ZNF407: variants seen among roughly 807,000 people sequenced by gnomAD.
The protein encoded by ZNF407 is zinc finger protein 407.
A neutral mutation model predicts 131.2 loss-of-function variants in ZNF407; 17 were observed. The observed-to-expected ratio is 0.13, with a 90% confidence interval of 0.09 to 0.19. The LOEUF is 0.19. Ranked by LOEUF, ZNF407 falls within the 10% of genes least tolerant of loss-of-function variation. The pLI, the probability that ZNF407 is intolerant of heterozygous loss-of-function variation, is 1.00. For synonymous variants in ZNF407, 1,156 were observed against 1,062.0 expected, an observed-to-expected ratio of 1.09 and a Z score of -1.72; for missense variants, 2,681 against 2,830.6, an observed-to-expected ratio of 0.95 and a Z score of 1.20.
At chr18:75,058,509 CTGTT>C (rs905706070) in intron 8 of ZNF407, among the ~76,000 whole-genome samples, 3 of 152,350 alleles carry the variant, frequency 2.0e-5, no homozygotes, top group African/African-American at 2.4e-5. Context: ...TTTAGGCACA[CTGTT>C]TGGTTAACTA....
chr18:74,941,925 C>T (rs1347945509), intron 8 of ZNF407, among the ~76,000 whole-genome samples: 1 of 152,190 alleles, frequency 6.6e-6, no homozygotes. Flanking sequence ...TTCTCAGAGA[C>T]TTCTGCAGGA....
At chr18:74,781,585 T>C (rs1212295271) in intron 4 of ZNF407, 83 bp downstream of exon 4, 1 of 1,003,924 alleles carries the variant, frequency 1.0e-6, no homozygotes, top group South Asian at 1.9e-5. Context: ...ACTTCTAGAC[T>C]TTTTTTTCAC....
At chr18:74,984,989 G>A (rs1284801763) in intron 8 of ZNF407, among the ~76,000 whole-genome samples, 2 of 152,198 alleles carry the variant, frequency 1.3e-5, no homozygotes. Flanking sequence ...TTAGAATTTT[G>A]TAGTGTGCTA....
At position 75,048,911 on chromosome 18, in the gene ZNF407, G is replaced by A. The variant is rs549769980; in HGVS notation, c.5429-14239G>A. 5.9e-5 allele frequency among the ~76,000 whole-genome samples: 9 copies of A among 152,294 alleles called. No individual in the cohort carries two copies. The highest frequency in any genetic ancestry group is 1.9e-4 in the East Asian group (1 of 5,164). On this transcript the variant is annotated intron_variant, in intron 8 of 8. Coordinates refer to ENST00000299687, the MANE Select transcript of ZNF407 (RefSeq NM_017757.3). This position sits in a 1 kb window ranked among gnomAD's most constrained non-coding sequence, Gnocchi z 4.1. ...GGCCACCAAGCCAGAGTCAGCCAGC[G>A]AGAGGCTCCCTGGCTGGCAGGAATG... is the stretch of plus-strand genomic sequence containing the variant.
chr18:74,861,706 ATGT>A (rs2145160213), intron 4 of ZNF407, among the ~76,000 whole-genome samples: 1 of 152,158 alleles, frequency 6.6e-6, no homozygotes, highest in South Asian at 2.1e-4. Context: ...AATTCTTAGG[ATGT>A]TTGTACTGCT....
In ZNF407 at chr18:74,975,094, T is replaced by C. The variant is rs917596880; in HGVS notation, c.5428+54402T>C. ...TATGTAAAGCGTAATTCTGAACTCA[T>C]TTGAGTAATGTACATTTAGCATAAG... is the stretch of plus-strand genomic sequence containing the variant. On this transcript the variant is annotated intron_variant, in intron 8 of 8. Coordinates refer to ENST00000299687, the MANE Select transcript of ZNF407 (RefSeq NM_017757.3). Among the ~76,000 whole-genome samples the C allele has an allele frequency of 2.0e-5, 3 of 152,208 alleles. No individual in the cohort carries two copies. The East Asian group carries it at 5.8e-4, about 29-fold the overall frequency.
At chr18:74,800,430 T>C (rs1234185263) in intron 4 of ZNF407, among the ~76,000 whole-genome samples, 1 of 152,110 alleles carries the variant, frequency 6.6e-6, no homozygotes, top group East Asian at 1.9e-4. Flanking sequence ...TTAGTCACAT[T>C]GTTCCCTCTT....
chr18:75,012,179 G>A (rs1248816389), intron 8 of ZNF407, among the ~76,000 whole-genome samples: 1 of 152,030 alleles, frequency 6.6e-6, no homozygotes, highest in East Asian at 1.9e-4. Context: ...GTGTCCTTGG[G>A]CACCTGTGCT....
At chr18:74,823,349 T>A (rs1384599117) in intron 4 of ZNF407, among the ~76,000 whole-genome samples, 1 of 152,140 alleles carries the variant, frequency 6.6e-6, no homozygotes, top group Non-Finnish European at 1.5e-5. Context: ...AGGATCAAAT[T>A]CACACATAAC....
intron 4 of ZNF407, among the ~76,000 whole-genome samples, chr18:74,832,840 A>G (rs896984834): frequency 6.6e-6 from 1 of 152,202 alleles, no homozygotes; most frequent in Non-Finnish European, 1.5e-5. Flanking sequence ...GCTATCATGT[A>G]TTTCTAAAGT....
chr18:75,038,659 G>T (rs966782307), intron 8 of ZNF407, among the ~76,000 whole-genome samples: 1 of 152,168 alleles, frequency 6.6e-6, no homozygotes, highest in Non-Finnish European at 1.5e-5. Flanking sequence ...ATGAAATGGG[G>T]CCAGTTTCTA....
intron 7 of ZNF407, among the ~76,000 whole-genome samples, chr18:74,894,067 A>T (rs1365343476): frequency 6.6e-6 from 1 of 152,128 alleles, no homozygotes; most frequent in East Asian, 1.9e-4. Context: ...TTTACAAAAT[A>T]ACTTTATAAT....
At chr18:74,779,118 T>A (rs1337002671) in intron 3 of ZNF407, among the ~76,000 whole-genome samples, 4 of 87,708 alleles carry the variant, frequency 4.6e-5, no homozygotes, top group East Asian at 5.0e-4. Context: ...TATTTTTTTT[T>A]TTTTTTTTTT....
intron 8 of ZNF407, among the ~76,000 whole-genome samples, chr18:75,054,637 C>G (rs1335110875): frequency 6.6e-6 from 1 of 152,200 alleles, no homozygotes; most frequent in African/African-American, 2.4e-5. Context: ...AAAAATAGGC[C>G]TTGTCTCCTG....
chr18:74,978,632 C>T (rs182482523), intron 8 of ZNF407, among the ~76,000 whole-genome samples: 53 of 151,592 alleles, frequency 3.5e-4, no homozygotes, highest in Non-Finnish European at 1.3e-4. Context: ...GAGGGACATA[C>T]TGCCATCCTA....
chr18:74,671,913 A>G (rs1986154636), intron 3 of ZNF407, among the ~76,000 whole-genome samples: 1 of 152,224 alleles, frequency 6.6e-6, no homozygotes, highest in Non-Finnish European at 1.5e-5. Flanking sequence ...TAGCTTTAGT[A>G]GAAAAATTCT....
chr18:74,809,978 C>T (rs1465544851), intron 4 of ZNF407, among the ~76,000 whole-genome samples: 1 of 152,140 alleles, frequency 6.6e-6, no homozygotes. Context: ...GTGATGGTGC[C>T]TTTAACTGAG....
At chr18:74,826,329 C>G (rs1457675529) in intron 4 of ZNF407, among the ~76,000 whole-genome samples, 2 of 152,160 alleles carry the variant, frequency 1.3e-5, no homozygotes, top group African/African-American at 2.4e-5. Flanking sequence ...GTTTCCTGCA[C>G]ACTTTCTCTT....
rs528828098 is a variant in ZNF407 at position 74,604,362 on chromosome 18, A to G, written c.-54+6425A>G. 1.5e-3 allele frequency among the ~76,000 whole-genome samples: 168 copies of G among 109,296 alleles called. 1 individual carries two copies. Among genetic ancestry groups the G allele is most frequent in the African/African-American group, 4.3e-3 (162 of 37,630 alleles). The allele number at this position is 109,296 out of a possible 152,430, so 71.7% of individuals were successfully genotyped here. ...CATTTTGATCCTTTGCTTGTCTGCTATGTCCACCAGGGGTCTTAGGTTTAA... is the reference window on the plus strand; with the variant it reads ...CATTTTGATCCTTTGCTTGTCTGCTGTGTCCACCAGGGGTCTTAGGTTTAA... On this transcript the variant is annotated intron_variant, in intron 1 of 8. Coordinates refer to ENST00000299687, the MANE Select transcript of ZNF407 (RefSeq NM_017757.3).
Sources: allele counts gnomAD v4.1 joint callset (sites outside exome capture counted in the v4.1 genomes callset), GRCh38; gene constraint gnomAD v4.1.1; non-coding constraint Gnocchi (gnomAD v3.1); transcripts MANE v1.5; gene names NCBI Gene and HGNC (gene_info 2026-07-23, HGNC 2026-07-21).